Variants in CEP70 observed in about 807,000 individuals in gnomAD.
CEP70 encodes centrosomal protein 70.
Under a neutral mutation model 90.9 loss-of-function variants are expected in CEP70, and 70 were observed. The ratio of observed to expected loss-of-function variants is 0.77; its 90% CI spans 0.64 to 0.94. The LOEUF is 0.94. Among genes scored for constraint, CEP70 ranks in the 40% least tolerant of loss-of-function variants. The pLI, the probability that CEP70 is intolerant of heterozygous loss-of-function variation, is 0.00. For synonymous variants in CEP70, 220 were observed against 228.3 expected (o/e 0.96, Z 0.33); for missense variants, 648 against 669.0 (o/e 0.97, Z 0.35).
chr3:138,581,694 C>CAAAAAAA (rs35064874), intron 2 of CEP70, among the ~76,000 whole-genome samples: 38 of 79,256 alleles, frequency 4.8e-4, no homozygotes, highest in African/African-American at 1.0e-3. Context: ...AAACTTGTCT[C>CAAAAAAA]AAAAAAAAAA....
intron 7 of CEP70, among the ~76,000 whole-genome samples, chr3:138,536,706 C>T (rs1285351616): frequency 2.0e-5 from 3 of 150,204 alleles, no homozygotes; most frequent in Admixed American, 2.0e-4. Context: ...AATGTAAAAT[C>T]AGAATTTAAA....
At chr3:138,497,331 TA>T (rs539518473) in intron 17 of CEP70, 187,476 of 851,040 alleles carry the variant, frequency 0.22, 2 homozygotes, top group South Asian at 0.24. Flanking sequence ...AGCCATTCTT[TA>T]AAAAAAAAAA....
At chr3:138,564,606 A>G (rs1003315371) in intron 6 of CEP70, among the ~76,000 whole-genome samples, 1 of 152,214 alleles carries the variant, frequency 6.6e-6, no homozygotes, top group Admixed American at 6.5e-5. Flanking sequence ...CCACATGATT[A>G]TCTCAATAGA....
At chr3:138,567,171 A>T (rs543659580) in intron 6 of CEP70, among the ~76,000 whole-genome samples, 10 of 152,322 alleles carry the variant, frequency 6.6e-5, no homozygotes, top group Admixed American at 6.5e-4. Context: ...AAAGTCTTTC[A>T]ATATACCTCA....
At chr3:138,521,062 G>A (rs912249947) in intron 11 of CEP70, among the ~76,000 whole-genome samples, 7 of 152,110 alleles carry the variant, frequency 4.6e-5, no homozygotes, top group Non-Finnish European at 1.0e-4. Flanking sequence ...TGCCTGCCTC[G>A]GCCTCCCGAG....
chr3:138,499,772 A>ATC (rs1235757573), intron 16 of CEP70: 1 of 166,450 alleles, frequency 6.0e-6, no homozygotes, highest in Non-Finnish European at 1.2e-5. Flanking sequence ...CCTTGTCTCT[A>ATC]TCTCTCTCTC....
intron 2 of CEP70, among the ~76,000 whole-genome samples, chr3:138,588,703 C>A (rs1050213388): frequency 6.6e-6 from 1 of 152,202 alleles, no homozygotes; most frequent in African/African-American, 2.4e-5. Context: ...TAAGCACTTA[C>A]CATAAGACCC....
chr3:138,582,180 A>G (rs2041895514), intron 2 of CEP70, among the ~76,000 whole-genome samples: 1 of 152,170 alleles, frequency 6.6e-6, no homozygotes, highest in Non-Finnish European at 1.5e-5. Flanking sequence ...CGGGTAATCA[A>G]AAGTACACAG....
At chr3:138,591,157 C>T (rs1374271022) in intron 2 of CEP70, among the ~76,000 whole-genome samples, 1 of 152,110 alleles carries the variant, frequency 6.6e-6, no homozygotes, top group Non-Finnish European at 1.5e-5. Context: ...TTTTTGAGCA[C>T]CAACTTGACA....
intron 11 of CEP70, among the ~76,000 whole-genome samples, chr3:138,517,718 A>G (rs1035079687): frequency 6.6e-6 from 1 of 152,210 alleles, no homozygotes; most frequent in Admixed American, 6.5e-5. Flanking sequence ...CAAGATGGCC[A>G]AATAGGAACA....
chr3:138,519,260 A>C (rs146989077), intron 11 of CEP70, among the ~76,000 whole-genome samples: 1,561 of 151,800 alleles, frequency 0.01, 26 homozygotes, highest in African/African-American at 0.037. Flanking sequence ...AACACTCTGC[A>C]GTATATTATC....
chr3:138,500,584 TAAAA>T lies in CEP70; in HGVS notation c.1369-21_1369-18del, dbSNP rs752029789. ...ATTGCTGTCCTGTCCAAAAAAGAGG[TAAAA>T]AAGAAAGAGTTCATTATCTTAAAAT... On this transcript the variant is annotated intron_variant, in intron 14 of 17. Transcript: ENST00000264982. 1.1e-5 allele frequency: 18 copies of T among 1,566,618 alleles called. No homozygotes were observed. In the African/African-American group the frequency reaches 2.5e-4, roughly 22 times the overall value.
intron 6 of CEP70, among the ~76,000 whole-genome samples, chr3:138,542,798 A>T (rs1239672722): frequency 6.6e-6 from 1 of 152,196 alleles, no homozygotes; most frequent in Admixed American, 6.5e-5. Flanking sequence ...TCCTGTGTCC[A>T]GGAAGAATGA....
At chr3:138,563,024 G>C (rs536016503) in intron 6 of CEP70, among the ~76,000 whole-genome samples, 1 of 149,932 alleles carries the variant, frequency 6.7e-6, no homozygotes, top group East Asian at 1.9e-4. Flanking sequence ...CAAGTAAATG[G>C]AAAGCAAAAA....
chr3:138,512,300 C>G (rs2035605392), intron 11 of CEP70, among the ~76,000 whole-genome samples: 1 of 152,168 alleles, frequency 6.6e-6, no homozygotes, highest in Non-Finnish European at 1.5e-5. Flanking sequence ...GGGCACTTGT[C>G]TATGTACTAG....
rs1309978869 is a variant in CEP70, at chr3:138,520,380, T to C, written c.944+5110A>G. On this transcript the variant is annotated intron_variant, in intron 11 of 17. Transcript: ENST00000264982. ...TCCACCCCAAAGCAATAGAATGTACTTTCTTCTCAGCACCACACCACACCT... is the reference window on the plus strand; with the variant it reads ...TCCACCCCAAAGCAATAGAATGTACCTTCTTCTCAGCACCACACCACACCT... Among the ~76,000 whole-genome samples the C allele has an allele frequency of 1.6e-4, 24 of 152,174 alleles. 1 individual carries two copies. Among genetic ancestry groups the C allele is most frequent in the Admixed American group, 1.6e-3 (24 of 15,286 alleles).
At chr3:138,533,134 A>T (rs1365789855) in intron 7 of CEP70, among the ~76,000 whole-genome samples, 1 of 152,142 alleles carries the variant, frequency 6.6e-6, no homozygotes, top group African/African-American at 2.4e-5. Context: ...ACAAAAAATT[A>T]GCTGGGCGTC....
rs148486993 is a variant in CEP70, at chr3:138,497,099, T to G, written c.1732+932A>C. 27 of 1,052,798 alleles carry G rather than the reference T, an allele frequency of 2.6e-5. No individual in the cohort carries two copies. The East Asian group carries it at 2.1e-3, about 83-fold the overall frequency. 65.2% of individuals were successfully genotyped at this position (1,052,798 alleles called of 1,614,324 possible). On this transcript the variant is annotated intron_variant, in intron 17 of 17. Coordinates refer to ENST00000264982, the MANE Select transcript of CEP70 (RefSeq NM_024491.4). ...TTTAACTTTCAAATTACATTTTCAC[T>G]TGCTGTGATCTTTTTAAACATGAGG...
At chr3:138,524,173 T>A (rs912880542) in intron 11 of CEP70, among the ~76,000 whole-genome samples, 1 of 151,418 alleles carries the variant, frequency 6.6e-6, no homozygotes, top group African/African-American at 2.4e-5. Flanking sequence ...GCTAGCCATA[T>A]GTAGAAAGCT....
Sources: allele counts gnomAD v4.1 joint callset (sites outside exome capture counted in the v4.1 genomes callset), GRCh38; gene constraint gnomAD v4.1.1; transcripts MANE v1.5; gene names NCBI Gene and HGNC (gene_info 2026-07-23, HGNC 2026-07-21).